The following B3GAT2 variants were observed in gnomAD, a reference collection of about 807,000 sequenced individuals.
The protein encoded by B3GAT2 is beta-1,3-glucuronyltransferase 2.
In B3GAT2, 26 loss-of-function variants were observed where a neutral mutation model predicts 27.8. The observed-to-expected ratio is 0.93, with a 90% confidence interval of 0.68 to 1.30. The LOEUF (loss-of-function observed/expected upper bound fraction) is 1.30. Ranked by LOEUF, B3GAT2 falls within the 50% of genes most tolerant of loss-of-function variation. B3GAT2 has a pLI of 0.00. For missense variants in B3GAT2, 458 were observed against 459.0 expected (o/e 1.00, Z 0.02); for synonymous variants, 218 against 195.1 (o/e 1.12, Z -0.98).
chr6:70,878,731 G>T, intron 2 of B3GAT2, among the ~76,000 whole-genome samples: 1 of 146,824 alleles, frequency 6.8e-6, no homozygotes. Flanking sequence ...TCTAATTGTT[G>T]AAAAGGTTTT....
intron 1 of B3GAT2, among the ~76,000 whole-genome samples, chr6:70,949,338 T>C (rs1322270335): frequency 2.0e-5 from 3 of 152,014 alleles, no homozygotes; most frequent in East Asian, 1.9e-4. Context: ...GAATCTACAA[T>C]GAACTCAAAC....
intron 1 of B3GAT2, among the ~76,000 whole-genome samples, chr6:70,920,406 G>A (rs1266368559): frequency 6.6e-6 from 1 of 152,162 alleles, no homozygotes; most frequent in Non-Finnish European, 1.5e-5. Context: ...GCCCTGCTTC[G>A]GCTTGCCCTC....
chr6:70,930,861 G>A (rs1249365613), intron 1 of B3GAT2, among the ~76,000 whole-genome samples: 4 of 152,148 alleles, frequency 2.6e-5, no homozygotes, highest in Non-Finnish European at 2.9e-5. Flanking sequence ...TATAAATCAT[G>A]CTATTATAAA....
chr6:70,906,160 A>C (rs778711713), intron 1 of B3GAT2, among the ~76,000 whole-genome samples: 2 of 152,158 alleles, frequency 1.3e-5, no homozygotes, highest in East Asian at 3.9e-4. Context: ...AAAACCAACG[A>C]TCTATCTCCT....
At chr6:70,918,549 T>C (rs1772814982) in intron 1 of B3GAT2, among the ~76,000 whole-genome samples, 2 of 152,196 alleles carry the variant, frequency 1.3e-5, no homozygotes, top group Admixed American at 1.3e-4. Flanking sequence ...TTCCTTTCCA[T>C]GTTTAGTTCT....
At position 70,860,397 on chromosome 6, in the gene B3GAT2, T is replaced by C; in HGVS notation, c.*1266A>G. ...ACATTCCTTGCTGAAACGCATCTAG[T>C]TCCCCTGTTTATTCATATGCATATT... On this transcript the variant is annotated 3_prime_UTR_variant, in exon 4 of 4. Coordinates refer to ENST00000230053, the MANE Select transcript of B3GAT2 (RefSeq NM_080742.3). The C allele has an allele frequency of 1.9e-6, 3 of 1,547,876 alleles. No homozygotes were observed. Among genetic ancestry groups the C allele is most frequent in the Non-Finnish European group, 2.6e-6 (3 of 1,148,926 alleles).
At chr6:70,891,927 T>C (rs1247075526) in intron 2 of B3GAT2, among the ~76,000 whole-genome samples, 2 of 152,184 alleles carry the variant, frequency 1.3e-5, no homozygotes, top group East Asian at 1.9e-4. Flanking sequence ...TAGAACAAAC[T>C]GCCTCAAAAA....
In B3GAT2 at chr6:70,949,429, T is replaced by G. The variant is rs554213799; in HGVS notation, c.591+6410A>C. On this transcript the variant is annotated intron_variant, in intron 1 of 3. Coordinates refer to ENST00000230053, the MANE Select transcript of B3GAT2 (RefSeq NM_080742.3). ...AGACACTTCTCAAAAGAAACATTTA[T>G]GCAGCCAAAAGACACATGAAAAAAT... 2.6e-5 allele frequency among the ~76,000 whole-genome samples: 4 copies of G among 152,230 alleles called. No homozygotes were observed. The East Asian group carries it at 7.7e-4, about 29-fold the overall frequency.
At chr6:70,871,190 AG>A (rs1771928498) in intron 2 of B3GAT2, among the ~76,000 whole-genome samples, 1 of 145,648 alleles carries the variant, frequency 6.9e-6, no homozygotes, top group Non-Finnish European at 1.5e-5. Context: ...TGTATTCAAA[AG>A]GGATATAGGT....
intron 1 of B3GAT2, among the ~76,000 whole-genome samples, chr6:70,916,185 G>C (rs1187875938): frequency 6.6e-6 from 1 of 152,014 alleles, no homozygotes; most frequent in Admixed American, 6.5e-5. Flanking sequence ...GTTCACTCAT[G>C]ATTTGGCTCT....
At chr6:70,887,092 C>T (rs1772201390) in intron 2 of B3GAT2, among the ~76,000 whole-genome samples, 1 of 152,214 alleles carries the variant, frequency 6.6e-6, no homozygotes, top group African/African-American at 2.4e-5. Flanking sequence ...AAACAGCACA[C>T]TTAAATCACG....
chr6:70,860,307 G>GACTCTCAGCACACAACT lies in B3GAT2; in HGVS notation c.*1339_*1355dup. 2 of 1,613,076 alleles carry GACTCTCAGCACACAACT rather than the reference G, an allele frequency of 1.2e-6. No homozygotes were observed. The highest frequency in any genetic ancestry group is 1.7e-6 in the Non-Finnish European group (2 of 1,179,670). On this transcript the variant is annotated 3_prime_UTR_variant, in exon 4 of 4. Coordinates refer to ENST00000230053, the MANE Select transcript of B3GAT2 (RefSeq NM_080742.3). ...GATGGTCTGGAAGCTCATCAGGTCA[G>GACTCTCAGCACACAACT]ACTCTCAGCACACAACTGTGGAAAT...
At chr6:70,927,000 GAAGA>G (rs1480926460) in intron 1 of B3GAT2, among the ~76,000 whole-genome samples, 2 of 152,180 alleles carry the variant, frequency 1.3e-5, no homozygotes, top group Non-Finnish European at 2.9e-5. Context: ...CTACAAGCCA[GAAGA>G]GAGAGGGGGC....
At chr6:70,922,458 C>G (rs905404797) in intron 1 of B3GAT2, among the ~76,000 whole-genome samples, 3 of 151,858 alleles carry the variant, frequency 2.0e-5, no homozygotes, top group African/African-American at 7.3e-5. Flanking sequence ...TAAAGTAAAT[C>G]AATAAATTTC....
chr6:70,943,752 G>C (rs1458834028), intron 1 of B3GAT2, among the ~76,000 whole-genome samples: 3 of 152,152 alleles, frequency 2.0e-5, no homozygotes, highest in Non-Finnish European at 2.9e-5. Flanking sequence ...GAGATAGTGA[G>C]AGATGAGATA....
intron 1 of B3GAT2, among the ~76,000 whole-genome samples, chr6:70,900,306 G>T (rs1387399471): frequency 6.6e-6 from 1 of 152,192 alleles, no homozygotes; most frequent in Non-Finnish European, 1.5e-5. Context: ...AACTATTCCA[G>T]GGTAGTGGTG....
intron 1 of B3GAT2, among the ~76,000 whole-genome samples, chr6:70,897,741 T>C (rs909959942): frequency 2.0e-5 from 3 of 151,870 alleles, no homozygotes; most frequent in South Asian, 2.1e-4. Flanking sequence ...ACAAGTATTA[T>C]AGTTTTAGGT....
chr6:70,954,016 G>A (rs1047295305), intron 1 of B3GAT2, among the ~76,000 whole-genome samples: 3 of 152,218 alleles, frequency 2.0e-5, no homozygotes, highest in East Asian at 3.9e-4. Context: ...CTAGAAGCTC[G>A]GAATAAACTA....
At chr6:70,914,495 G>A (rs1772736996) in intron 1 of B3GAT2, among the ~76,000 whole-genome samples, 1 of 151,968 alleles carries the variant, frequency 6.6e-6, no homozygotes, top group Non-Finnish European at 1.5e-5. Context: ...GTATTCCATG[G>A]TATATATGTG....
Sources: gnomAD v4.1 joint callset for allele counts (sites outside exome capture counted in the v4.1 genomes callset) on GRCh38, gnomAD v4.1.1 for gene constraint, MANE v1.5 for transcripts, NCBI Gene and HGNC (gene_info 2026-07-23, HGNC 2026-07-21) for gene names.